The following KIAA1217 variants were observed in gnomAD, a reference collection of about 807,000 sequenced individuals.
The protein encoded by KIAA1217 is sickle tail protein homolog.
A neutral mutation model predicts 163.9 loss-of-function variants in KIAA1217; 88 were observed. The observed-to-expected ratio is 0.54, with a 90% CI of 0.45 to 0.64. The LOEUF is 0.64. KIAA1217 is among the 30% of genes least tolerant of loss of function. The pLI is 0.00. For missense variants in KIAA1217, 2,372 were observed against 2,475.0 expected (o/e 0.96, Z 0.88); for synonymous variants, 903 against 923.1 (o/e 0.98, Z 0.39).
intron 1 of KIAA1217, among the ~76,000 whole-genome samples, chr10:23,999,758 G>T (rs1192394826): frequency 6.6e-6 from 1 of 152,148 alleles, no homozygotes; most frequent in Non-Finnish European, 1.5e-5. Flanking sequence ...AATATCATGT[G>T]CCCTCTATTG....
At chr10:24,525,088 G>A (rs1462185294) in intron 13 of KIAA1217, among the ~76,000 whole-genome samples, 2 of 152,154 alleles carry the variant, frequency 1.3e-5, no homozygotes, top group African/African-American at 4.8e-5. Flanking sequence ...GCGGGGTGGG[G>A]GGGCAGAGTG....
At chr10:24,045,833 G>T (rs1325874772) in intron 2 of KIAA1217, among the ~76,000 whole-genome samples, 1 of 152,038 alleles carries the variant, frequency 6.6e-6, no homozygotes, top group Non-Finnish European at 1.5e-5. Flanking sequence ...TGAACCAATG[G>T]TCTCAATTGA....
chr10:24,308,796 C>CT (rs1372290056), intron 2 of KIAA1217, among the ~76,000 whole-genome samples: 3 of 152,108 alleles, frequency 2.0e-5, no homozygotes, highest in Admixed American at 6.6e-5. Context: ...GATGCAATGA[C>CT]TGGCATAACG....
intron 1 of KIAA1217, among the ~76,000 whole-genome samples, chr10:23,818,319 CTA>C (rs1361405294): frequency 4.1e-5 from 5 of 121,788 alleles, no homozygotes; most frequent in South Asian, 2.3e-4. Flanking sequence ...ATATATAACA[CTA>C]TATATATATT....
At chr10:24,029,115 A>T (rs761447227) in intron 2 of KIAA1217, among the ~76,000 whole-genome samples, 1 of 152,110 alleles carries the variant, frequency 6.6e-6, no homozygotes, top group Non-Finnish European at 1.5e-5. Context: ...AAGTGGATAA[A>T]TTTTTTTGTC....
intron 1 of KIAA1217, among the ~76,000 whole-genome samples, chr10:23,838,645 G>A (rs551851758): frequency 6.6e-6 from 1 of 152,124 alleles, no homozygotes; most frequent in East Asian, 1.9e-4. Flanking sequence ...ATTTTCAGTG[G>A]AGATGGGATT....
At chr10:24,378,384 A>G (rs1423909484) in intron 2 of KIAA1217, among the ~76,000 whole-genome samples, 2 of 151,944 alleles carry the variant, frequency 1.3e-5, no homozygotes, top group Non-Finnish European at 2.9e-5. Flanking sequence ...TGCCCAGTTC[A>G]GAGCAACCCT....
At chr10:24,235,405 C>T (rs147212803) in intron 2 of KIAA1217, among the ~76,000 whole-genome samples, 1 of 152,332 alleles carries the variant, frequency 6.6e-6, no homozygotes, top group South Asian at 2.1e-4. Flanking sequence ...AGAATTACCA[C>T]AGTTGGGGTC....
intron 2 of KIAA1217, among the ~76,000 whole-genome samples, chr10:24,098,885 G>A (rs1344604394): frequency 1.3e-5 from 2 of 152,120 alleles, no homozygotes; most frequent in Non-Finnish European, 1.5e-5. Context: ...TTGAGAGGCT[G>A]AGACAGAAAG....
chr10:24,478,653 G>A (rs2064303133), intron 6 of KIAA1217, among the ~76,000 whole-genome samples: 1 of 152,190 alleles, frequency 6.6e-6, no homozygotes, highest in Admixed American at 6.5e-5. Context: ...CTAGTGACCA[G>A]GAGAGACTGC....
chr10:24,130,147 A>T (rs145146949), intron 2 of KIAA1217, among the ~76,000 whole-genome samples: 1 of 152,096 alleles, frequency 6.6e-6, no homozygotes, highest in Non-Finnish European at 1.5e-5. Context: ...AAAACTTCCT[A>T]GATTGGGCTA....
chr10:23,897,470 A>G (rs1461212373), intron 1 of KIAA1217, among the ~76,000 whole-genome samples: 1 of 152,048 alleles, frequency 6.6e-6, no homozygotes, highest in Non-Finnish European at 1.5e-5. Flanking sequence ...TCAGAGAAAC[A>G]ATGGACTTTG....
At chr10:24,431,590 C>T (rs1199634110) in intron 3 of KIAA1217, among the ~76,000 whole-genome samples, 1 of 152,102 alleles carries the variant, frequency 6.6e-6, no homozygotes. Flanking sequence ...AGCATGTGAC[C>T]TCCCGTGTGG....
At position 23,836,932 on chromosome 10, in the gene KIAA1217, AG is replaced by A. The variant is rs752953207; in HGVS notation, c.-321+141701del. Among the ~76,000 whole-genome samples the A allele has an allele frequency of 7.4e-3, 527 of 70,804 alleles. 8 individuals are homozygous for A. Among genetic ancestry groups the A allele is most frequent in the African/African-American group, 0.022 (495 of 22,658 alleles). The allele number at this position is 70,804 out of a possible 152,430, so 46.5% of individuals were successfully genotyped here. ...AGTGAGACCCTGTGGGAAGGAAGGA[AG>A]GGAGGGAGGGAGGGAGGGAGGGAAT... is the stretch of plus-strand genomic sequence containing the variant. On this transcript the variant is annotated intron_variant, in intron 1 of 18. Transcript: ENST00000376462.
chr10:24,415,901 G>A (rs943449189), intron 3 of KIAA1217, among the ~76,000 whole-genome samples: 8 of 152,208 alleles, frequency 5.3e-5, no homozygotes, highest in Admixed American at 1.3e-4. Flanking sequence ...ACCCTGTGGC[G>A]TGGGCCTGAG....
intron 1 of KIAA1217, among the ~76,000 whole-genome samples, chr10:24,005,659 A>G (rs1454617034): frequency 6.6e-6 from 1 of 152,232 alleles, no homozygotes; most frequent in Non-Finnish European, 1.5e-5. Flanking sequence ...ACTAAAAGTG[A>G]TAACAATGGA....
rs1839413451 is a variant in KIAA1217, at chr10:23,746,302, C to A, written c.-321+51068C>A. ...CTTAGCTTTCAGCCATGAGTGGAAG[C>A]AGCTGAAGCTTCCCCAGAAGCAGAT... On this transcript the variant is annotated intron_variant, in intron 1 of 18. Transcript: ENST00000376462. 2.6e-5 allele frequency among the ~76,000 whole-genome samples: 4 copies of A among 152,236 alleles called. No individual in the cohort carries two copies. In the South Asian group the frequency reaches 8.3e-4, roughly 32 times the overall value.
chr10:24,520,998 C>A (rs1283862871), intron 11 of KIAA1217, among the ~76,000 whole-genome samples: 2 of 149,100 alleles, frequency 1.3e-5, no homozygotes, highest in African/African-American at 4.9e-5. Context: ...TCAAGACCAG[C>A]CTAGGAAACA....
upstream of KIAA1217, among the ~76,000 whole-genome samples, chr10:24,206,933 G>T (rs2067584513): frequency 6.6e-6 from 1 of 152,048 alleles, no homozygotes; most frequent in South Asian, 2.1e-4. Context: ...CCCTATTTTT[G>T]TCCATCTAGG....
Sources: allele counts gnomAD v4.1 joint callset (sites outside exome capture counted in the v4.1 genomes callset), GRCh38; gene constraint gnomAD v4.1.1; transcripts MANE v1.5; gene names NCBI Gene and HGNC (gene_info 2026-07-23, HGNC 2026-07-21).